DOCK10: variants seen among roughly 807,000 people sequenced by gnomAD.
DOCK10 encodes the protein dedicator of cytokinesis protein 10.
DOCK10 carries 145 observed loss-of-function variants against 280.1 expected under a neutral mutation model. That is an observed-to-expected ratio of 0.52 (90% CI 0.45 to 0.59). The LOEUF (loss-of-function observed/expected upper bound fraction) is 0.59, where lower values mean the gene tolerates loss of function less well. DOCK10 is among the 20% of genes least tolerant of loss of function. DOCK10 has a pLI of 0.00. For missense variants in DOCK10, 2,368 were observed against 2,651.7 expected (o/e 0.89, Z 2.35); for synonymous variants, 915 against 942.2 (o/e 0.97, Z 0.53).
chr2:225,011,304 A>T (rs1328574559), intron 1 of DOCK10, among the ~76,000 whole-genome samples: 1 of 152,220 alleles, frequency 6.6e-6, no homozygotes, highest in Non-Finnish European at 1.5e-5. Flanking sequence ...ATAGAAGCAC[A>T]TATTTGCCAC....
chr2:224,876,355 C>G (rs1698628950), intron 7 of DOCK10, 134 bp from the exon 8 acceptor site: 6 of 737,472 alleles, frequency 8.1e-6, no homozygotes, highest in Non-Finnish European at 2.1e-6. Context: ...TTTTCCAGAA[C>G]AAGACAAAAT....
At chr2:224,912,602 T>C (rs1323227451) in intron 3 of DOCK10, among the ~76,000 whole-genome samples, 1 of 152,240 alleles carries the variant, frequency 6.6e-6, no homozygotes, top group East Asian at 1.9e-4. Flanking sequence ...TGTTATGAGT[T>C]TGATGTGTGC....
intron 1 of DOCK10, among the ~76,000 whole-genome samples, chr2:225,040,694 G>T (rs926106218): frequency 6.6e-6 from 1 of 152,114 alleles, no homozygotes; most frequent in Non-Finnish European, 1.5e-5. Flanking sequence ...TCCTCAGTGA[G>T]ATTCAGTCCA....
intron 1 of DOCK10, among the ~76,000 whole-genome samples, chr2:225,006,993 A>AGAAT (rs1689289112): frequency 6.6e-6 from 1 of 152,220 alleles, no homozygotes; most frequent in East Asian, 1.9e-4. Flanking sequence ...AGAAGGTTTG[A>AGAAT]GAATGCATAA....
chr2:224,806,522 A>C (rs2125220722), intron 33 of DOCK10, among the ~76,000 whole-genome samples: 1 of 152,308 alleles, frequency 6.6e-6, no homozygotes, highest in East Asian at 1.9e-4. Context: ...ATATTCATGG[A>C]TCACATTATA....
At position 224,902,297 on chromosome 2, in the gene DOCK10, C is replaced by G. The variant is rs16866312; in HGVS notation, c.334-5920G>C. Among the ~76,000 whole-genome samples the G allele has an allele frequency of 9.2e-3, 1,395 of 152,046 alleles. 15 individuals carry two copies. Among genetic ancestry groups the G allele is most frequent in the African/African-American group, 0.031 (1,268 of 41,450 alleles). On this transcript the variant is annotated intron_variant, in intron 3 of 55. Coordinates refer to ENST00000258390, the MANE Select transcript of DOCK10 (RefSeq NM_014689.3). ...TTCAGATGCAAAATTATTTTTCTTT[C>G]TGGCTATAGAGGTTTATTTAATTAC...
intron 1 of DOCK10, among the ~76,000 whole-genome samples, chr2:225,003,239 T>A (rs1706486528): frequency 6.6e-6 from 1 of 152,160 alleles, no homozygotes; most frequent in African/African-American, 2.4e-5. Flanking sequence ...GAGGCAGGAT[T>A]TCACCATGTT....
At chr2:224,994,224 T>C (rs764828781) in intron 1 of DOCK10, among the ~76,000 whole-genome samples, 44 of 152,338 alleles carry the variant, frequency 2.9e-4, no homozygotes, top group Admixed American at 2.6e-4. Context: ...AGAGGTAGTA[T>C]ATGTACTGGT....
intron 40 of DOCK10, among the ~76,000 whole-genome samples, chr2:224,800,518 C>G (rs941387616): frequency 3.9e-5 from 6 of 152,034 alleles, no homozygotes; most frequent in African/African-American, 4.8e-5. Flanking sequence ...TTAATTTGGC[C>G]AAAGACAGGG....
At chr2:224,862,058 A>G (rs1697536994) in intron 14 of DOCK10, 2 of 152,316 alleles carry the variant, frequency 1.3e-5, no homozygotes, top group African/African-American at 2.4e-5. Context: ...AGTTCTGAAA[A>G]GCAATTATGG....
At position 224,797,043 on chromosome 2, in the gene DOCK10, G is replaced by A; in HGVS notation, c.4748C>T (p.Ala1583Val). 4 of 1,613,394 alleles carry A rather than the reference G, an allele frequency of 2.5e-6. No individual in the cohort carries two copies. The highest frequency in any genetic ancestry group is 3.4e-6 in the Non-Finnish European group (4 of 1,179,494). Reference sequence around the variant, plus strand: ...CATGAAAAAGTACAGAAGGGCTGAGGCTTCTGTCTGAGTTGACCGTGACCT... The same window carrying A: ...CATGAAAAAGTACAGAAGGGCTGAGACTTCTGTCTGAGTTGACCGTGACCT... ...NHRSRSTQTE[A>V]SALLYFFMRK... Residue 1583 changes from alanine to valine, a missense_variant, in exon 43 of 56, where the codon GCC (alanine) becomes GTC (valine). Around this residue, in one of 2 missense-constraint regions of DOCK10, gnomAD observed 1,159 missense variants for 1,400.8 expected, o/e 0.83. Coordinates refer to ENST00000258390, the MANE Select transcript of DOCK10 (RefSeq NM_014689.3).
At chr2:224,912,980 C>T (rs1195427157) in intron 3 of DOCK10, among the ~76,000 whole-genome samples, 2 of 151,970 alleles carry the variant, frequency 1.3e-5, no homozygotes, top group African/African-American at 2.4e-5. Context: ...GAGCAGAGAT[C>T]GTGCCAGTGC....
chr2:225,042,283 G>T lies in DOCK10; in HGVS notation c.92C>A (p.Ala31Glu), dbSNP rs1407834721. The T allele has an allele frequency of 6.0e-6, 8 of 1,338,950 alleles. No homozygotes were observed. The African/African-American group carries it at 1.2e-4, about 20-fold the overall frequency. 82.9% of individuals were successfully genotyped at this position (1,338,950 alleles called of 1,614,324 possible). Residue 31 changes from alanine to glutamate, a missense_variant, in exon 1 of 56, where the codon GCG becomes GAG. Ala to Glu is a moderately radical substitution (Grantham distance 107). Around this residue, in one of 2 missense-constraint regions of DOCK10, gnomAD observed 1,209 missense variants for 1,250.9 expected, o/e 0.97. Transcript: ENST00000258390. The surrounding 1 kb of genome is among the most constrained non-coding windows in gnomAD (Gnocchi z 5.1). ...CTGCTGCCGGCTGCTGACTGCCACC[G>T]CGGCGGCGGACGCGGCGCTGTGCCG... is the stretch of plus-strand genomic sequence containing the variant. ...ELRHSAASAA[A>E]VAVSSRQQQR...
intron 1 of DOCK10, among the ~76,000 whole-genome samples, chr2:225,025,137 GCT>G (rs2106110794): frequency 6.6e-6 from 1 of 152,322 alleles, no homozygotes; most frequent in South Asian, 2.1e-4. Context: ...TGCAATGCAA[GCT>G]CTCTGGGCTT....
chr2:225,016,730 TCTCA>T (rs1689617727), intron 1 of DOCK10, among the ~76,000 whole-genome samples: 2 of 149,800 alleles, frequency 1.3e-5, no homozygotes, highest in Admixed American at 1.3e-4. Flanking sequence ...TGAGACAGGG[TCTCA>T]CTCTGTCACT....
At chr2:224,971,160 C>T (rs1278391877) in intron 1 of DOCK10, among the ~76,000 whole-genome samples, 1 of 152,058 alleles carries the variant, frequency 6.6e-6, no homozygotes, top group East Asian at 1.9e-4. Flanking sequence ...ATTAAAAACC[C>T]TGACTTTTAA....
At chr2:224,853,503 C>T (rs1696893332) in intron 16 of DOCK10, among the ~76,000 whole-genome samples, 1 of 152,146 alleles carries the variant, frequency 6.6e-6, no homozygotes, top group African/African-American at 2.4e-5. Flanking sequence ...TATTCTGATA[C>T]ATGACTGAAA....
Position 224,791,733 on chromosome 2 carries a change from C to T in DOCK10, c.5311+1241G>A, listed in dbSNP as rs552449412. Among the ~76,000 whole-genome samples, 3 of 151,956 alleles carry T rather than the reference C, an allele frequency of 2.0e-5. No individual in the cohort carries two copies. In the South Asian group the frequency reaches 6.2e-4, roughly 32 times the overall value. Reference sequence around the variant, plus strand: ...TTGTGATCCACCTGCCTTGGTCTCCCAAAGTGCTGGGATTACAGGCGTGAG... The same window carrying T: ...TTGTGATCCACCTGCCTTGGTCTCCTAAAGTGCTGGGATTACAGGCGTGAG... On this transcript the variant is annotated intron_variant, in intron 47 of 55. Transcript: ENST00000258390.
At chr2:224,792,827 A>G in intron 47 of DOCK10, 147 bp downstream of exon 47, 1 of 557,682 alleles carries the variant, frequency 1.8e-6, no homozygotes. Flanking sequence ...GAATGGCAGG[A>G]GTTTAAGTTT....
Sources: gnomAD v4.1 joint callset for allele counts (sites outside exome capture counted in the v4.1 genomes callset) on GRCh38, gnomAD v4.1.1 for gene constraint, gnomAD v4.1.1 regional missense constraint, Gnocchi (gnomAD v3.1) non-coding constraint, MANE v1.5 for transcripts, NCBI Gene and HGNC (gene_info 2026-07-23, HGNC 2026-07-21) for gene names.